The following TTBK2 variants were observed in gnomAD, a reference collection of about 807,000 sequenced individuals.
TTBK2 encodes tau tubulin kinase 2, also known as tau-tubulin kinase 2.
TTBK2 carries 28 observed loss-of-function variants against 110.8 expected under a neutral mutation model. The observed-to-expected ratio is 0.25, with a 90% confidence interval of 0.19 to 0.35. TTBK2 has a LOEUF of 0.35. Among genes scored for constraint, TTBK2 ranks in the 10% least tolerant of loss-of-function variants. The pLI is 1.00. For synonymous variants in TTBK2, 532 were observed against 527.3 expected (o/e 1.01, Z -0.12); for missense variants, 1,369 against 1,500.3 (o/e 0.91, Z 1.45).
chr15:42,777,912 T>A (rs1890001664), intron 11 of TTBK2, among the ~76,000 whole-genome samples: 1 of 152,058 alleles, frequency 6.6e-6, no homozygotes, highest in South Asian at 2.1e-4. Flanking sequence ...AAATTGGTGA[T>A]ATACTCAGGG....
chr15:42,757,777 A>C (rs1404671565), intron 13 of TTBK2, among the ~76,000 whole-genome samples: 2 of 152,236 alleles, frequency 1.3e-5, no homozygotes, highest in Non-Finnish European at 2.9e-5. Flanking sequence ...TCCATAATTC[A>C]CAAACATTTC....
Position 42,775,373 on chromosome 15 carries a change from T to G in TTBK2, c.1760A>C (p.Gln587Pro), listed in dbSNP as rs1889863984. The G allele has an allele frequency of 6.2e-7, 1 of 1,614,128 alleles. No homozygotes were observed. Among genetic ancestry groups the G allele is most frequent in the Non-Finnish European group, 8.5e-7 (1 of 1,180,048 alleles). ...SPSDEEPEVL[Q>P]VLEASPQDEK... ...ATCTTGAGGTGATGCCTCCAGGACT[T>G]GAAGTACTTCAGGCTCCTCATCAGA... Residue 587 changes from glutamine to proline, a missense_variant, in exon 13 of 15, where the codon CAA (glutamine) becomes CCA (proline). Around this residue, in one of 4 missense-constraint regions of TTBK2, gnomAD observed 1,097 missense variants for 1,114.7 expected, o/e 0.98. Transcript: ENST00000267890.
intron 13 of TTBK2, among the ~76,000 whole-genome samples, chr15:42,760,993 C>A (rs1206369851): frequency 6.6e-6 from 1 of 152,130 alleles, no homozygotes; most frequent in Non-Finnish European, 1.5e-5. Flanking sequence ...GACACATAGA[C>A]CAACAGAACA....
chr15:42,801,445 A>T (rs1437797615), intron 9 of TTBK2: 8 of 863,558 alleles, frequency 9.3e-6, no homozygotes, highest in Non-Finnish European at 1.6e-5. Context: ...GGCCTTTGAG[A>T]CCCTCAGTCT....
At chr15:42,856,553 G>A (rs1052794141) in intron 3 of TTBK2, among the ~76,000 whole-genome samples, 6 of 152,080 alleles carry the variant, frequency 3.9e-5, no homozygotes, top group African/African-American at 1.4e-4. Flanking sequence ...ATATGAGATG[G>A]TATTGTAAAA....
rs140029491 is a variant in TTBK2 at position 42,857,553 on chromosome 15, A to C, written c.217+15058T>G. The C allele has an allele frequency of 3.4e-3, 522 of 152,260 alleles. 2 individuals carry two copies. The highest frequency in any genetic ancestry group is 0.012 in the African/African-American group (497 of 41,550). 9.4% of individuals were successfully genotyped at this position (152,260 alleles called of 1,614,324 possible). A position where few individuals can be genotyped will look rare whatever the true frequency, so the allele number is the denominator to read the frequency against. ...AAAAAAAAAAAGTCCATTCATTAAA[A>C]GAAAGAAAAACTGAGAACGTGGGTT... is the stretch of plus-strand genomic sequence containing the variant. On this transcript the variant is annotated intron_variant, in intron 3 of 14. Transcript: ENST00000267890.
At chr15:42,754,403 TA>T (rs1567002725) in intron 13 of TTBK2, among the ~76,000 whole-genome samples, 1 of 151,872 alleles carries the variant, frequency 6.6e-6, no homozygotes, top group Non-Finnish European at 1.5e-5. Flanking sequence ...TATTTTATTT[TA>T]TTTTTTTATG....
intron 1 of TTBK2, among the ~76,000 whole-genome samples, chr15:42,883,050 G>C (rs1895105476): frequency 6.6e-6 from 1 of 152,030 alleles, no homozygotes; most frequent in African/African-American, 2.4e-5. Flanking sequence ...ACTGGCTGAA[G>C]GGATTTCCAA....
intron 1 of TTBK2, chr15:42,919,774 G>C: frequency 3.0e-6 from 3 of 984,958 alleles, no homozygotes; most frequent in Non-Finnish European, 3.6e-6. Context: ...CTGTAGCCTC[G>C]ACGGATACAA....
intron 9 of TTBK2, among the ~76,000 whole-genome samples, chr15:42,805,202 T>C (rs745893778): frequency 2.6e-5 from 4 of 152,210 alleles, no homozygotes; most frequent in Non-Finnish European, 5.9e-5. Flanking sequence ...ATCAAGCAGA[T>C]TTAATTAAAT....
chr15:42,775,862 A>G (rs1889899388), intron 12 of TTBK2, 139 bp from the exon 13 acceptor site: 1 of 659,770 alleles, frequency 1.5e-6, no homozygotes, highest in East Asian at 2.8e-5. Flanking sequence ...GTTTCACAGC[A>G]TTGATAATGC....
intron 7 of TTBK2, among the ~76,000 whole-genome samples, chr15:42,815,954 A>ACATAT (rs1393860735): frequency 1.9e-5 from 1 of 53,376 alleles, no homozygotes; most frequent in South Asian, 9.0e-4. Flanking sequence ...ATATTTAAAA[A>ACATAT]AAAAATATAT....
At position 42,744,828 on chromosome 15, in the gene TTBK2, C is replaced by T. The variant is rs569220743; in HGVS notation, c.*967G>A. On this transcript the variant is annotated 3_prime_UTR_variant, in exon 15 of 15. Transcript: ENST00000267890. ...ACAGTCCAAAGCATTGTGCTTCCCT[C>T]GTATCATCTTGGATGCTGATATTAC... The T allele has an allele frequency of 1.7e-4, 26 of 152,516 alleles. No individual in the cohort carries two copies. The highest frequency in any genetic ancestry group is 5.3e-4 in the African/African-American group (22 of 41,534). The allele number at this position is 152,516 out of a possible 1,614,324, so 9.4% of individuals were successfully genotyped here. A position where few individuals can be genotyped will look rare whatever the true frequency, so the allele number is the denominator to read the frequency against.
rs200891264 is a variant in TTBK2, at chr15:42,746,045, C to T, written c.3485G>A (p.Arg1162His). The change falls in exon 15 of 15, where the codon CGC becomes CAC. Residue 1162 changes from arginine (R) to histidine (H), a missense_variant. This residue lies in a region of TTBK2 where 1,097 missense variants were observed against 1,114.7 expected (regional missense o/e 0.98). Coordinates refer to ENST00000267890, the MANE Select transcript of TTBK2 (RefSeq NM_173500.4). ...SASPRSSSLP[R>H]TSSSSPSRAG... is the part of the protein sequence containing the mutation. ...CCTAGATGGTGAGGAACTAGACGTG[C>T]GAGGCAAGGATGAGCTTCGAGGAGA... 1.2e-5 allele frequency: 20 copies of T among 1,614,018 alleles called. No homozygotes were observed. The East Asian group carries it at 1.3e-4, about 11-fold the overall frequency.
At chr15:42,782,198 A>T (rs6493066) in intron 11 of TTBK2, among the ~76,000 whole-genome samples, 3 of 151,852 alleles carry the variant, frequency 2.0e-5, no homozygotes, top group African/African-American at 7.3e-5. Flanking sequence ...CAGCTTCCCA[A>T]GTAGCTGGGA....
chr15:42,913,346 T>C (rs988119070), intron 1 of TTBK2, among the ~76,000 whole-genome samples: 1 of 151,634 alleles, frequency 6.6e-6, no homozygotes, highest in African/African-American at 2.4e-5. Flanking sequence ...AAGTAAAATA[T>C]CTATTGAGAG....
At position 42,891,878 on chromosome 15, in the gene TTBK2, C is replaced by T. The variant is rs911115052; in HGVS notation, c.-67-13194G>A. On this transcript the variant is annotated intron_variant, in intron 1 of 14. Coordinates refer to ENST00000267890, the MANE Select transcript of TTBK2 (RefSeq NM_173500.4). Reference sequence around the variant, plus strand: ...GAAGGCAGCTTTGTGGGACTGAGCCCTGTAACCTGTGAGGTCTGCATTAAC... The same window carrying T: ...GAAGGCAGCTTTGTGGGACTGAGCCTTGTAACCTGTGAGGTCTGCATTAAC... Among the ~76,000 whole-genome samples, 18 of 152,232 alleles carry T rather than the reference C, an allele frequency of 1.2e-4. No homozygotes were observed. In the Middle Eastern group the frequency reaches 0.014, roughly 115 times the overall value.
rs1044868862 is a variant in TTBK2 at position 42,752,823 on chromosome 15, T to A, written c.2423A>T (p.Asp808Val). The change falls in exon 14 of 15, where the codon GAT becomes GTT. Residue 808 changes from aspartate to valine, a missense_variant. By Grantham distance (152) the Asp-to-Val change is radical. This residue lies in a region of TTBK2 where 1,097 missense variants were observed against 1,114.7 expected (regional missense o/e 0.98). Transcript: ENST00000267890. The part of the protein sequence containing the change: ...HCIEISSLPG[D>V]LVIVEKDHSA... Reference sequence around the variant, plus strand: ...GTGATCCTTTTCCACAATTACCAAATCTCCTGGGAGAGAGGAGATCTCAAT... The same window carrying A: ...GTGATCCTTTTCCACAATTACCAAAACTCCTGGGAGAGAGGAGATCTCAAT... The A allele has an allele frequency of 6.2e-7, 1 of 1,614,036 alleles. No homozygotes were observed. Among genetic ancestry groups the A allele is most frequent in the African/African-American group, 1.3e-5 (1 of 74,914 alleles).
intron 13 of TTBK2, among the ~76,000 whole-genome samples, chr15:42,754,555 C>G (rs1370062570): frequency 6.6e-6 from 1 of 151,438 alleles, no homozygotes; most frequent in African/African-American, 2.4e-5. Context: ...CACCACTATG[C>G]CCAGCTAATT....
Sources: gnomAD v4.1 joint callset for allele counts (sites outside exome capture counted in the v4.1 genomes callset) on GRCh38, gnomAD v4.1.1 for gene constraint, gnomAD v4.1.1 regional missense constraint, MANE v1.5 for transcripts, NCBI Gene and HGNC (gene_info 2026-07-23, HGNC 2026-07-21) for gene names.